CLEC2L: variants seen among roughly 807,000 people sequenced by gnomAD.
The protein encoded by CLEC2L is C-type lectin domain family 2, member L.
Under a neutral mutation model 23.6 loss-of-function variants are expected in CLEC2L, and 14 were observed. The observed-to-expected ratio is 0.59, with a 90% confidence interval of 0.39 to 0.93. The LOEUF (loss-of-function observed/expected upper bound fraction) is 0.93. Ranked by LOEUF, CLEC2L falls within the 40% of genes least tolerant of loss-of-function variation. The pLI is 0.00. For synonymous variants in CLEC2L, 114 were observed against 121.3 expected, an observed-to-expected ratio of 0.94 and a Z score of 0.40; for missense variants, 264 against 282.4, an observed-to-expected ratio of 0.93 and a Z score of 0.47.
intron 4 of CLEC2L, among the ~76,000 whole-genome samples, chr7:139,543,819 G>C (rs1797770162): frequency 6.6e-6 from 1 of 152,200 alleles, no homozygotes; most frequent in African/African-American, 2.4e-5. Flanking sequence ...TGGCTGCTTT[G>C]GGGACCTGTG....
intron 4 of CLEC2L, 62 bp downstream of exon 4, chr7:139,542,183 C>G (rs917794540): frequency 1.2e-5 from 13 of 1,083,176 alleles, no homozygotes; most frequent in Middle Eastern, 2.0e-4. Context: ...GACTCACCCC[C>G]TGGACACAAC....
intron 2 of CLEC2L, among the ~76,000 whole-genome samples, chr7:139,537,563 G>T (rs1056496631): frequency 1.3e-5 from 2 of 152,134 alleles, no homozygotes; most frequent in African/African-American, 4.8e-5. Flanking sequence ...CATGTTTGAT[G>T]ATGAGTCACT....
At chr7:139,531,455 T>C (rs7785563) in intron 1 of CLEC2L, among the ~76,000 whole-genome samples, 5,549 of 152,090 alleles carry the variant, frequency 0.036, 339 homozygotes, top group African/African-American at 0.13. Context: ...GAGAAAATGT[T>C]CCACGAAATA....
intron 1 of CLEC2L, among the ~76,000 whole-genome samples, chr7:139,524,948 C>T (rs972643691): frequency 6.6e-6 from 1 of 152,048 alleles, no homozygotes; most frequent in Non-Finnish European, 1.5e-5. Flanking sequence ...AGGAGGGCTT[C>T]CCAGGAGTAG....
intron 1 of CLEC2L, among the ~76,000 whole-genome samples, chr7:139,528,876 C>T (rs1797541332): frequency 6.6e-6 from 1 of 152,122 alleles, no homozygotes. Context: ...AGAAATTATC[C>T]CTGAGACATA....
At chr7:139,536,212 C>A in intron 1 of CLEC2L, 62 bp from the exon 2 acceptor site, 2 of 1,294,022 alleles carry the variant, frequency 1.5e-6, no homozygotes, top group Non-Finnish European at 2.2e-6. Context: ...GGGTATGGGG[C>A]TGGCAGTGGG....
chr7:139,526,192 C>T (rs2116541690), intron 1 of CLEC2L, among the ~76,000 whole-genome samples: 1 of 152,218 alleles, frequency 6.6e-6, no homozygotes, highest in South Asian at 2.1e-4. Context: ...CTTGGGTGCC[C>T]CCAAGCTCCT....
At position 139,540,356 on chromosome 7, in the gene CLEC2L, C is replaced by T. The variant is rs1430032217; in HGVS notation, c.301C>T (p.Pro101Ser). The T allele has an allele frequency of 4.3e-5, 70 of 1,611,604 alleles. No individual in the cohort carries two copies. The highest frequency in any genetic ancestry group is 5.9e-5 in the Non-Finnish European group (69 of 1,179,226). The change falls in exon 3 of 5, where the codon CCG becomes TCG. Residue 101 changes from proline (P) to serine (S), a missense_variant. Physicochemically the swap from Pro to Ser is moderately conservative, Grantham distance 74. Transcript: ENST00000422142. This position sits in a 1 kb window ranked among gnomAD's most constrained non-coding sequence, Gnocchi z 5.8. ...KGCIKCEAPC[P>S]EDWLLYGRKC... Reference sequence around the variant, plus strand: ...CTGCATCAAGTGCGAAGCGCCCTGCCCGGAGGACTGGCTGCTCTACGGAAG... The same window carrying T: ...CTGCATCAAGTGCGAAGCGCCCTGCTCGGAGGACTGGCTGCTCTACGGAAG...
intron 1 of CLEC2L, chr7:139,534,468 C>T: frequency 1.3e-6 from 1 of 788,492 alleles, no homozygotes; most frequent in Non-Finnish European, 2.3e-6. Flanking sequence ...AGCTGATACC[C>T]AGACATACCA....
intron 4 of CLEC2L, among the ~76,000 whole-genome samples, chr7:139,543,705 G>T (rs751605153): frequency 4.6e-5 from 7 of 152,190 alleles, no homozygotes; most frequent in Non-Finnish European, 8.8e-5. Flanking sequence ...AACCTGTGAG[G>T]GGTAGCTGAC....
intron 2 of CLEC2L, 112 bp downstream of exon 2, chr7:139,536,460 T>A: frequency 1.1e-6 from 1 of 893,038 alleles, no homozygotes; most frequent in East Asian, 2.7e-5. Flanking sequence ...TGTGGGGGAC[T>A]AAATAAGTAG....
At chr7:139,524,336 G>C (rs1244047857) in intron 1 of CLEC2L, among the ~76,000 whole-genome samples, 1 of 152,166 alleles carries the variant, frequency 6.6e-6, no homozygotes, top group Non-Finnish European at 1.5e-5. Context: ...TCACAGCCTC[G>C]ACCCCGCCTC....
At chr7:139,534,781 A>C (rs1017458951) in intron 1 of CLEC2L, among the ~76,000 whole-genome samples, 1 of 151,004 alleles carries the variant, frequency 6.6e-6, no homozygotes, top group Admixed American at 6.6e-5. Context: ...CATTTTTATG[A>C]TGATTTAGAT....
At chr7:139,530,936 C>A (rs1281551391) in intron 1 of CLEC2L, among the ~76,000 whole-genome samples, 3 of 152,092 alleles carry the variant, frequency 2.0e-5, no homozygotes, top group Non-Finnish European at 4.4e-5. Flanking sequence ...CTCAGCTAGC[C>A]CTGTATTCTC....
chr7:139,525,761 C>T (rs1028280394), intron 1 of CLEC2L, among the ~76,000 whole-genome samples: 1 of 152,176 alleles, frequency 6.6e-6, no homozygotes, highest in Non-Finnish European at 1.5e-5. Flanking sequence ...TTAATGCCTC[C>T]TGCTTGCTGT....
intron 1 of CLEC2L, among the ~76,000 whole-genome samples, chr7:139,533,419 G>A (rs1486529875): frequency 3.3e-5 from 5 of 152,104 alleles, no homozygotes; most frequent in African/African-American, 4.8e-5. Context: ...GCACTGATGC[G>A]ATCTTGGCTC....
At chr7:139,536,838 G>T (rs1333361046) in intron 2 of CLEC2L, among the ~76,000 whole-genome samples, 1 of 151,892 alleles carries the variant, frequency 6.6e-6, no homozygotes, top group Non-Finnish European at 1.5e-5. Context: ...AGCCAGGTGT[G>T]GTGGTGGGTG....
Position 139,524,006 on chromosome 7 carries a change from G to A in CLEC2L, c.79G>A (p.Ala27Thr), listed in dbSNP as rs576580593. The change falls in exon 1 of 5, where the codon GCC becomes ACC. Residue 27 changes from alanine to threonine, a missense_variant. Coordinates refer to ENST00000422142, the MANE Select transcript of CLEC2L (RefSeq NM_001080511.4). ...CGCGCGCCCCGCGCCCGCCCCCGCC[G>A]CCCCCAGGCCGCGTTCGCCCGCAGA... ...LAARPAPAPA[A>T]PRPRSPAEAE... 30 of 1,100,588 alleles carry A rather than the reference G, an allele frequency of 2.7e-5. No individual in the cohort carries two copies. The South Asian group carries it at 1.1e-3, about 40-fold the overall frequency. The allele number at this position is 1,100,588 out of a possible 1,614,324, so 68.2% of individuals were successfully genotyped here. A position where few individuals can be genotyped will look rare whatever the true frequency, so the allele number is the denominator to read the frequency against.
In CLEC2L at chr7:139,544,450, G is replaced by T; in HGVS notation, c.*108G>T. ...CGCCTGCCCTCTGCAAGGCGAAGCGGTGGGTGCGTGGCCTCCGCCCCAGGC... is the reference window on the plus strand; with the variant it reads ...CGCCTGCCCTCTGCAAGGCGAAGCGTTGGGTGCGTGGCCTCCGCCCCAGGC... On this transcript the variant is annotated 3_prime_UTR_variant, in exon 5 of 5. Transcript: ENST00000422142. The T allele has an allele frequency of 1.3e-6, 1 of 761,232 alleles. No individual in the cohort carries two copies. The highest frequency in any genetic ancestry group is 2.2e-6 in the Non-Finnish European group (1 of 459,926). The allele number at this position is 761,232 out of a possible 1,614,324, so 47.2% of individuals were successfully genotyped here. A position where few individuals can be genotyped will look rare whatever the true frequency, so the allele number is the denominator to read the frequency against.
Sources: allele counts gnomAD v4.1 joint callset (sites outside exome capture counted in the v4.1 genomes callset), GRCh38; gene constraint gnomAD v4.1.1; non-coding constraint Gnocchi (gnomAD v3.1); transcripts MANE v1.5; gene names NCBI Gene and HGNC (gene_info 2026-07-23, HGNC 2026-07-21).